NRK: variants seen among roughly 807,000 people sequenced by gnomAD.
NRK encodes the protein nik-related protein kinase.
NRK carries 67 observed loss-of-function variants against 125.2 expected under a neutral mutation model. The observed-to-expected ratio is 0.54, with a 90% confidence interval of 0.44 to 0.66. NRK has a LOEUF of 0.66. NRK is among the 30% of genes least tolerant of loss of function. The pLI, the probability that NRK is intolerant of heterozygous loss-of-function variation, is 0.00. For missense variants in NRK, 1,224 were observed against 1,192.9 expected (o/e 1.03, Z -0.38); for synonymous variants, 458 against 429.0 (o/e 1.07, Z -0.84).
chrX:105,936,284 A>C (rs1387254123), intron 21 of NRK, among the ~76,000 whole-genome samples: 1 of 112,148 alleles, frequency 8.9e-6, no homozygotes, highest in Non-Finnish European at 1.9e-5. Context: ...AATCATCTCA[A>C]AGTTCTGCTA....
intron 11 of NRK, chrX:105,907,163 A>G (rs143090062): frequency 3.8e-4 from 42 of 111,242 alleles, no homozygotes; most frequent in African/African-American, 1.4e-3. Context: ...GTGAACTTCT[A>G]TTAAAAATGG....
intron 17 of NRK, among the ~76,000 whole-genome samples, 161 bp downstream of exon 17, chrX:105,922,222 C>CA (rs767503976): frequency 8.9e-6 from 1 of 112,062 alleles, no homozygotes; most frequent in East Asian, 2.8e-4. Context: ...ACATAGAACA[C>CA]AAAATCTAGA....
chrX:105,880,027 A>C (rs961744479), intron 2 of NRK, among the ~76,000 whole-genome samples, 172 bp from the exon 3 acceptor site: 1 of 110,780 alleles, frequency 9.0e-6, no homozygotes. Flanking sequence ...AAATGTTGAT[A>C]ATTTAATATT....
In NRK at chrX:105,955,825, C is replaced by T. The variant is rs981190555; in HGVS notation, c.*225C>T. The T allele has an allele frequency of 1.4e-5, 4 of 293,097 alleles. No homozygotes were observed. The highest frequency in any genetic ancestry group is 1.1e-4 in the Admixed American group (2 of 18,805). 24.2% of individuals were successfully genotyped at this position (293,097 alleles called of 1,213,427 possible). A position where few individuals can be genotyped will look rare whatever the true frequency, so the allele number is the denominator to read the frequency against. Reference sequence around the variant, plus strand: ...CTCCAATGGTGTACAATGTCTTTTGCACAAACTTTGTAACTTTTGTTACTG... The same window carrying T: ...CTCCAATGGTGTACAATGTCTTTTGTACAAACTTTGTAACTTTTGTTACTG... On this transcript the variant is annotated 3_prime_UTR_variant, in exon 29 of 29. Coordinates refer to ENST00000243300, the MANE Select transcript of NRK (RefSeq NM_198465.4).
intron 24 of NRK, among the ~76,000 whole-genome samples, chrX:105,944,432 C>T (rs1275346673): frequency 9.0e-6 from 1 of 111,637 alleles, no homozygotes; most frequent in Non-Finnish European, 1.9e-5. Flanking sequence ...ACTGTTTAAC[C>T]CTTTTTTAGA....
At chrX:105,833,363 A>G (rs2039220262) in intron 2 of NRK, among the ~76,000 whole-genome samples, 1 of 111,777 alleles carries the variant, frequency 8.9e-6, no homozygotes, top group East Asian at 2.8e-4. Flanking sequence ...CATCTTATAC[A>G]TAGATACCTA....
At chrX:105,878,580 T>C (rs1169172994) in intron 2 of NRK, among the ~76,000 whole-genome samples, 1 of 111,942 alleles carries the variant, frequency 8.9e-6, no homozygotes, top group African/African-American at 3.2e-5. Flanking sequence ...CATTTCCACT[T>C]CTCATGTAAA....
At chrX:105,896,378 A>T (rs1020332628) in intron 7 of NRK, among the ~76,000 whole-genome samples, 8 of 112,053 alleles carry the variant, frequency 7.1e-5, no homozygotes, top group Non-Finnish European at 1.5e-4. Flanking sequence ...ATAGAACAAG[A>T]GTAGAGATTT....
In NRK at chrX:105,937,536, C is replaced by T. The variant is rs759003677; in HGVS notation, c.3753C>T (p.Arg1251=). 3.3e-6 allele frequency: 4 copies of T among 1,203,544 alleles called. No individual in the cohort carries two copies. The highest frequency in any genetic ancestry group is 1.8e-5 in the South Asian group (1 of 55,795). Reference sequence around the variant, plus strand: ...AACTTATAAGGCGAAGACCATTCCGCCAGATTCAAGTCTTAGAGCCACTCA... The same window carrying T: ...AACTTATAAGGCGAAGACCATTCCGTCAGATTCAAGTCTTAGAGCCACTCA... ...ITKLIRRRPF[R]QIQVLEPLNL... is the part of the protein sequence containing the mutation. The change falls in exon 22 of 29, where the codon CGC becomes CGT. Residue 1251 remains arginine (R), a synonymous_variant. Transcript: ENST00000243300.
rs894726522 is a variant in NRK, at chrX:105,881,662, T to G, written c.181-46T>G. 3 of 750,659 alleles carry G rather than the reference T, an allele frequency of 4.0e-6. No homozygotes were observed. The African/African-American group carries it at 6.3e-5, about 16-fold the overall frequency. 61.9% of individuals were successfully genotyped at this position (750,659 alleles called of 1,213,427 possible). A position where few individuals can be genotyped will look rare whatever the true frequency, so the allele number is the denominator to read the frequency against. On this transcript the variant is annotated intron_variant, in intron 3 of 28. Coordinates refer to ENST00000243300, the MANE Select transcript of NRK (RefSeq NM_198465.4). ...TAAAGTACTTAAGCATAAATCATTTTTAGAGTGTACCAGTACATCTAATAA... is the reference window on the plus strand; with the variant it reads ...TAAAGTACTTAAGCATAAATCATTTGTAGAGTGTACCAGTACATCTAATAA...
intron 5 of NRK, among the ~76,000 whole-genome samples, chrX:105,892,282 A>G (rs2040025865): frequency 8.9e-6 from 1 of 111,911 alleles, no homozygotes; most frequent in South Asian, 3.7e-4. Context: ...AATGAGAAAA[A>G]CTTCCTTGAG....
chrX:105,898,538 T>A (rs1323839028), intron 7 of NRK, 46 bp from the exon 8 acceptor site: 1 of 1,137,704 alleles, frequency 8.8e-7, no homozygotes, highest in East Asian at 3.2e-5. Flanking sequence ...CTTATTAAGC[T>A]TTTTTCTCCT....
intron 16 of NRK, among the ~76,000 whole-genome samples, chrX:105,921,479 A>T (rs1311960927): frequency 1.8e-5 from 2 of 108,333 alleles, no homozygotes; most frequent in African/African-American, 6.8e-5. Context: ...CTTAAAGTAT[A>T]ATTAAAAAAA....
At chrX:105,918,434 A>C in intron 16 of NRK, among the ~76,000 whole-genome samples, 1 of 111,406 alleles carries the variant, frequency 9.0e-6, no homozygotes, top group Admixed American at 9.6e-5. Context: ...TGTTAATAAT[A>C]AAAATGATAC....
chrX:105,922,878 G>A (rs2147768023), intron 17 of NRK, among the ~76,000 whole-genome samples: 1 of 111,189 alleles, frequency 9.0e-6, no homozygotes, highest in South Asian at 3.8e-4. Context: ...TGACAAGTAT[G>A]GGTATTTTTT....
rs2040979699 is a variant in NRK at position 105,956,486 on chromosome X, A to G, written c.*886A>G. On this transcript the variant is annotated 3_prime_UTR_variant, in exon 29 of 29. Transcript: ENST00000243300. ...TTATTATCTGGCCAACAGTGTGACT[A>G]TCAGACAGCATCAAATATTTGCCCA... 8.9e-6 allele frequency: 1 copy of G among 112,115 alleles called. No homozygotes were observed. Among genetic ancestry groups the G allele is most frequent in the Non-Finnish European group, 1.9e-5 (1 of 53,178 alleles). The allele number at this position is 112,115 out of a possible 1,213,427, so 9.2% of individuals were successfully genotyped here.
chrX:105,871,803 T>C (rs2039751520), intron 2 of NRK, among the ~76,000 whole-genome samples: 1 of 111,846 alleles, frequency 8.9e-6, no homozygotes, highest in Non-Finnish European at 1.9e-5. Flanking sequence ...TCGTGATACA[T>C]GTGAAGATAG....
At chrX:105,822,177 A>G (rs1362299703), upstream of NRK, among the ~76,000 whole-genome samples, 1 of 112,189 alleles carries the variant, frequency 8.9e-6, no homozygotes, top group Non-Finnish European at 1.9e-5. Context: ...GGACTGTGGC[A>G]GGGCTGTGGG....
chrX:105,907,699 A>G (rs180786064), intron 11 of NRK: 1 of 112,455 alleles, frequency 8.9e-6, no homozygotes, highest in African/African-American at 3.2e-5. Flanking sequence ...GTTGCCCTGA[A>G]CATTTTAATA....
Sources: gnomAD v4.1 joint callset for allele counts (sites outside exome capture counted in the v4.1 genomes callset) on GRCh38, gnomAD v4.1.1 for gene constraint, MANE v1.5 for transcripts, NCBI Gene and HGNC (gene_info 2026-07-23, HGNC 2026-07-21) for gene names.